MDGA2: variants seen among roughly 807,000 people sequenced by gnomAD.
MDGA2 encodes MAM domain containing glycosylphosphatidylinositol anchor 2.
Under a neutral mutation model 117.8 loss-of-function variants are expected in MDGA2, and 40 were observed. That is an observed-to-expected ratio of 0.34 (90% CI 0.26 to 0.44). MDGA2 has a LOEUF of 0.44. Among genes scored for constraint, MDGA2 ranks in the 20% least tolerant of loss-of-function variants. The probability of loss-of-function intolerance (pLI) is 1.00; values close to 1 mark genes in which losing one functional copy is unlikely to be tolerated. For missense variants in MDGA2, 1,123 were observed against 1,250.6 expected (o/e 0.90, Z 1.54); for synonymous variants, 452 against 439.0 (o/e 1.03, Z -0.37).
chr14:47,247,354 G>A (rs968412435), intron 2 of MDGA2, among the ~76,000 whole-genome samples: 1 of 149,360 alleles, frequency 6.7e-6, no homozygotes, highest in Non-Finnish European at 1.5e-5. Context: ...ACCCAGGCTG[G>A]AGTGCAGTGG....
At chr14:47,109,735 CG>C (rs1320590356) in intron 5 of MDGA2, among the ~76,000 whole-genome samples, 43 of 152,170 alleles carry the variant, frequency 2.8e-4, no homozygotes, top group African/African-American at 1.0e-3. Flanking sequence ...CACTTGAGGT[CG>C]GGAGTTCAAG....
intron 10 of MDGA2, among the ~76,000 whole-genome samples, chr14:46,904,707 C>T (rs1408497913): frequency 1.3e-5 from 2 of 152,150 alleles, no homozygotes; most frequent in East Asian, 3.9e-4. Flanking sequence ...TTCCCGTGTT[C>T]ATAGCTACAT....
intron 3 of MDGA2, among the ~76,000 whole-genome samples, chr14:47,187,917 TTGTG>T (rs34044843): frequency 1.1e-4 from 17 of 148,664 alleles, no homozygotes; most frequent in African/African-American, 1.5e-4. Flanking sequence ...TTAAAGTAGG[TTGTG>T]TGTGTGTGTG....
At chr14:47,151,761 G>C (rs913560038) in intron 3 of MDGA2, among the ~76,000 whole-genome samples, 3 of 151,488 alleles carry the variant, frequency 2.0e-5, no homozygotes, top group African/African-American at 4.8e-5. Flanking sequence ...TATCTTATTT[G>C]ATATGTATTT....
intron 5 of MDGA2, among the ~76,000 whole-genome samples, chr14:47,112,438 C>T (rs558913177): frequency 6.6e-6 from 1 of 152,092 alleles, no homozygotes; most frequent in Non-Finnish European, 1.5e-5. Context: ...TGTTGTTCTC[C>T]TCCCTGTGTC....
chr14:47,026,662 T>C (rs1888484274), intron 8 of MDGA2, among the ~76,000 whole-genome samples: 1 of 152,002 alleles, frequency 6.6e-6, no homozygotes, highest in Non-Finnish European at 1.5e-5. Flanking sequence ...ATGCCCAAAT[T>C]CTGTATTTGG....
At chr14:47,506,171 G>A (rs1566489603) in intron 1 of MDGA2, among the ~76,000 whole-genome samples, 1 of 152,022 alleles carries the variant, frequency 6.6e-6, no homozygotes. Flanking sequence ...AAGTGTTTAG[G>A]CAAATGGAGT....
At chr14:47,151,488 A>G (rs1002070305) in intron 3 of MDGA2, among the ~76,000 whole-genome samples, 1 of 152,146 alleles carries the variant, frequency 6.6e-6, no homozygotes, top group Non-Finnish European at 1.5e-5. Flanking sequence ...AGGAAGCATA[A>G]AATATGTCTC....
chr14:47,201,525 C>T (rs527392925), intron 3 of MDGA2, among the ~76,000 whole-genome samples: 1 of 152,280 alleles, frequency 6.6e-6, no homozygotes, highest in East Asian at 1.9e-4. Context: ...AGCCTCTCTC[C>T]TCCAAGTAAA....
intron 10 of MDGA2, among the ~76,000 whole-genome samples, chr14:46,899,549 AC>A (rs1285448977): frequency 6.6e-6 from 1 of 151,956 alleles, no homozygotes; most frequent in African/African-American, 2.4e-5. Flanking sequence ...AAGAATATGC[AC>A]TCACCAAGAA....
At chr14:47,123,646 G>C (rs1881758748) in intron 5 of MDGA2, among the ~76,000 whole-genome samples, 1 of 151,788 alleles carries the variant, frequency 6.6e-6, no homozygotes, top group Admixed American at 6.6e-5. Context: ...CTCCTAATAG[G>C]TTAGATATAA....
chr14:47,173,523 C>T (rs1884281806), intron 3 of MDGA2, among the ~76,000 whole-genome samples: 3 of 152,094 alleles, frequency 2.0e-5, no homozygotes, highest in African/African-American at 4.8e-5. Context: ...GAATTTTCAA[C>T]CCAGAATTTC....
At chr14:47,670,763 T>C (rs1898060097) in intron 1 of MDGA2, among the ~76,000 whole-genome samples, 1 of 152,130 alleles carries the variant, frequency 6.6e-6, no homozygotes, top group South Asian at 2.1e-4. Context: ...CCAGTGATGT[T>C]TAATTAAGCT....
At chr14:47,298,959 T>G (rs950603282) in intron 2 of MDGA2, among the ~76,000 whole-genome samples, 5 of 152,098 alleles carry the variant, frequency 3.3e-5, no homozygotes, top group Non-Finnish European at 5.9e-5. Flanking sequence ...GTGCTGGGAT[T>G]ACAGGCGTGA....
chr14:47,656,885 C>G (rs1474467452), intron 1 of MDGA2, among the ~76,000 whole-genome samples: 1 of 152,146 alleles, frequency 6.6e-6, no homozygotes, highest in East Asian at 1.9e-4. Flanking sequence ...CTGGGTGGAC[C>G]TTTGTCTCTG....
At chr14:47,530,176 A>C (rs1895065667) in intron 1 of MDGA2, among the ~76,000 whole-genome samples, 1 of 152,178 alleles carries the variant, frequency 6.6e-6, no homozygotes, top group South Asian at 2.1e-4. Context: ...GAGAGCCTAT[A>C]AACAGATGCA....
At position 46,845,836 on chromosome 14, in the gene MDGA2, T is replaced by C; in HGVS notation, c.2919A>G (p.Glu973=). ...ATACATCATCAATAGCAATGTCACC[T>C]TCTATTCCAGGACCTCGGATACCTT... ...IFEGIRGPGI[E]GDIAIDDVSI... The change falls in exon 16 of 17, where the codon GAA becomes GAG. Residue 973 remains glutamate, a synonymous_variant. Transcript: ENST00000399232. The C allele has an allele frequency of 6.2e-7, 1 of 1,613,526 alleles. No individual in the cohort carries two copies. Among genetic ancestry groups the C allele is most frequent in the Admixed American group, 1.7e-5 (1 of 60,006 alleles).
At chr14:47,183,001 C>T (rs1027981095) in intron 3 of MDGA2, among the ~76,000 whole-genome samples, 3 of 152,026 alleles carry the variant, frequency 2.0e-5, no homozygotes, top group Non-Finnish European at 2.9e-5. Context: ...TTATTTTTAG[C>T]TGACATATCT....
chr14:47,611,913 A>C (rs1281408695), intron 1 of MDGA2, among the ~76,000 whole-genome samples: 1 of 152,182 alleles, frequency 6.6e-6, no homozygotes, highest in Non-Finnish European at 1.5e-5. Context: ...TAACTCACCT[A>C]TGTGAAGCAC....
Sources: allele counts gnomAD v4.1 joint callset (sites outside exome capture counted in the v4.1 genomes callset), GRCh38; gene constraint gnomAD v4.1.1; transcripts MANE v1.5; gene names NCBI Gene and HGNC (gene_info 2026-07-23, HGNC 2026-07-21).